ANKMY2: variants seen among roughly 807,000 people sequenced by gnomAD.
The protein encoded by ANKMY2 is ankyrin repeat and MYND domain containing 2.
In ANKMY2, 36 loss-of-function variants were observed where a neutral mutation model predicts 50.4. The ratio of observed to expected loss-of-function variants is 0.71; its 90% CI spans 0.55 to 0.94. ANKMY2 has a LOEUF of 0.94. Among genes scored for constraint, ANKMY2 ranks in the 40% least tolerant of loss-of-function variants. ANKMY2 has a pLI of 0.00. For synonymous variants in ANKMY2, 187 were observed against 178.8 expected (o/e 1.05, Z -0.36); for missense variants, 565 against 524.0 (o/e 1.08, Z -0.76).
chr7:16,635,337 T>C (rs61632552), intron 2 of ANKMY2, among the ~76,000 whole-genome samples: 25,637 of 152,100 alleles, frequency 0.17, 2,244 homozygotes, highest in Middle Eastern at 0.21. Flanking sequence ...TTAATGCTTT[T>C]TGCAGGAGTG....
intron 2 of ANKMY2, among the ~76,000 whole-genome samples, chr7:16,632,713 G>A (rs2128345769): frequency 6.6e-6 from 1 of 152,256 alleles, no homozygotes; most frequent in South Asian, 2.1e-4. Flanking sequence ...TTATAAACAT[G>A]CATTTGCATA....
chr7:16,638,289 A>C lies in ANKMY2; in HGVS notation c.68-1834T>G, dbSNP rs578060174. 1.2e-4 allele frequency among the ~76,000 whole-genome samples: 18 copies of C among 152,326 alleles called. 2 individuals are homozygous for C. In the South Asian group the frequency reaches 3.7e-3, roughly 32 times the overall value. Reference sequence around the variant, plus strand: ...GTCCCCACTTCAGATGCCAATCATAAGCCCCTGTACTTCTGACTGGCTATA... The same window carrying C: ...GTCCCCACTTCAGATGCCAATCATACGCCCCTGTACTTCTGACTGGCTATA... On this transcript the variant is annotated intron_variant, in intron 1 of 9. Coordinates refer to ENST00000306999, the MANE Select transcript of ANKMY2 (RefSeq NM_020319.3).
intron 4 of ANKMY2, among the ~76,000 whole-genome samples, chr7:16,616,157 C>T (rs1781344917): frequency 6.6e-6 from 1 of 152,104 alleles, no homozygotes; most frequent in South Asian, 2.1e-4. Flanking sequence ...ATGTGGATTA[C>T]AAAAGAAAGC....
At chr7:16,634,448 G>A (rs905005231) in intron 2 of ANKMY2, among the ~76,000 whole-genome samples, 27 of 152,154 alleles carry the variant, frequency 1.8e-4, no homozygotes, top group Non-Finnish European at 1.5e-5. Context: ...GCATTGAGGC[G>A]ATGGAGTTGA....
At chr7:16,605,023 T>C (rs1348766614) in intron 7 of ANKMY2, among the ~76,000 whole-genome samples, 174 bp from the exon 8 acceptor site, 1 of 152,182 alleles carries the variant, frequency 6.6e-6, no homozygotes, top group East Asian at 1.9e-4. Flanking sequence ...TTTTAGAATA[T>C]ACCATTTTCT....
chr7:16,603,676 C>A (rs569619360), intron 8 of ANKMY2: 1 of 471,140 alleles, frequency 2.1e-6, no homozygotes, highest in African/African-American at 2.0e-5. Flanking sequence ...GGGGAGGAGA[C>A]TTGACTTCAG....
At chr7:16,616,227 CTCT>C (rs1323870553) in intron 4 of ANKMY2, among the ~76,000 whole-genome samples, 7 of 152,154 alleles carry the variant, frequency 4.6e-5, no homozygotes, top group Admixed American at 1.3e-4. Context: ...AGTTAAATGT[CTCT>C]TCTTCCCAGC....
chr7:16,628,908 T>TAAACAAAACA (rs59359472), intron 2 of ANKMY2, among the ~76,000 whole-genome samples: 4,156 of 127,954 alleles, frequency 0.032, 84 homozygotes, highest in East Asian at 0.12. Flanking sequence ...GCCTCTAGTT[T>TAAACAAAACA]AAACAAAACA....
chr7:16,616,916 G>T (rs963447522), intron 4 of ANKMY2, among the ~76,000 whole-genome samples: 5 of 152,196 alleles, frequency 3.3e-5, no homozygotes, highest in African/African-American at 1.2e-4. Context: ...CCAGCTGGAC[G>T]CTGGCGCTTG....
chr7:16,627,105 C>G lies in ANKMY2; in HGVS notation c.206G>C (p.Gly69Ala). 1 of 1,612,546 alleles carries G rather than the reference C, an allele frequency of 6.2e-7. No individual in the cohort carries two copies. Among genetic ancestry groups the G allele is most frequent in the South Asian group, 1.1e-5 (1 of 90,912 alleles). The change falls in exon 3 of 10, where the codon GGA (glycine) becomes GCA (alanine). Residue 69 changes from glycine to alanine, a missense_variant. Gly to Ala is a moderately conservative substitution (Grantham distance 60). Transcript: ENST00000306999. ...LDMCKLLLRH[G>A]ADVNCHQHEH... Reference sequence around the variant, plus strand: ...ATGCTGATGACAATTTACATCGGCTCCATGTCGCAGTAGTAATTTGCACAT... The same window carrying G: ...ATGCTGATGACAATTTACATCGGCTGCATGTCGCAGTAGTAATTTGCACAT...
intron 4 of ANKMY2, 53 bp from the exon 5 acceptor site, chr7:16,615,957 C>A: frequency 1.3e-6 from 2 of 1,506,998 alleles, no homozygotes; most frequent in Non-Finnish European, 1.8e-6. Context: ...AATAACACAT[C>A]TGGTTTTTAA....
In ANKMY2 at chr7:16,602,485, G is replaced by C. The variant is rs1183621910; in HGVS notation, c.1036C>G (p.Gln346Glu). Residue 346 changes from glutamine to glutamate, a missense_variant, in exon 9 of 10, where the codon CAG (glutamine) becomes GAG (glutamate). Transcript: ENST00000306999. ...KMVIYCDQTC[Q>E]KTHWFTHKKI... is the part of the protein sequence containing the mutation. Reference sequence around the variant, plus strand: ...TTATGAGTAAACCAGTGTGTTTTCTGGCAGGTTTGATCACAATATATTACC... The same window carrying C: ...TTATGAGTAAACCAGTGTGTTTTCTCGCAGGTTTGATCACAATATATTACC... 6.2e-7 allele frequency: 1 copy of C among 1,613,082 alleles called. No individual in the cohort carries two copies. Among genetic ancestry groups the C allele is most frequent in the African/African-American group, 1.3e-5 (1 of 74,826 alleles).
Position 16,609,726 on chromosome 7 carries a change from ATACAC to A in ANKMY2, c.781_785del (p.Val261SerfsTer6). 2.5e-6 allele frequency: 4 copies of A among 1,611,288 alleles called. No homozygotes were observed. The South Asian group carries it at 4.4e-5, about 18-fold the overall frequency. ...TACTTTCTCTAATGATCTTTTCTTG[ATACAC>A]TGGAAAGCCATCAGAAGCTCGGCCT... is the stretch of plus-strand genomic sequence containing the variant. On this transcript the variant is annotated frameshift_variant, in exon 7 of 10. Transcript: ENST00000306999. LOFTEE classifies it high-confidence loss of function.
intron 7 of ANKMY2, among the ~76,000 whole-genome samples, chr7:16,608,544 G>A (rs1781195931): frequency 1.3e-5 from 2 of 152,120 alleles, no homozygotes; most frequent in South Asian, 4.1e-4. Flanking sequence ...CAGAGAGAAG[G>A]CACAGAGAAG....
At chr7:16,604,164 C>T (rs113943196) in intron 8 of ANKMY2, among the ~76,000 whole-genome samples, 5 of 152,124 alleles carry the variant, frequency 3.3e-5, no homozygotes, top group East Asian at 1.9e-4. Flanking sequence ...AGTGAATGTA[C>T]GGACACATGC....
intron 1 of ANKMY2, among the ~76,000 whole-genome samples, chr7:16,645,108 A>G (rs978187794): frequency 7.2e-5 from 11 of 152,094 alleles, no homozygotes; most frequent in African/African-American, 2.7e-4. Context: ...GCGGAAGTCT[A>G]AAGGGTCATT....
chr7:16,602,580 C>A, intron 8 of ANKMY2, 71 bp from the exon 9 acceptor site: 1 of 1,520,966 alleles, frequency 6.6e-7, no homozygotes, highest in South Asian at 1.3e-5. Flanking sequence ...ATGACTAAAC[C>A]AAGAACTAAG....
chr7:16,603,541 A>T (rs1220192857), intron 8 of ANKMY2: 3 of 446,578 alleles, frequency 6.7e-6, no homozygotes, highest in African/African-American at 6.1e-5. Flanking sequence ...ATGTTATTAA[A>T]CACTTACTGT....
At chr7:16,602,569 T>C (rs1781089235) in intron 8 of ANKMY2, 60 bp from the exon 9 acceptor site, 3 of 1,563,976 alleles carry the variant, frequency 1.9e-6, no homozygotes, top group Middle Eastern at 1.7e-4. Flanking sequence ...ATTTCCTAAC[T>C]ATGACTAAAC....
Sources: allele counts gnomAD v4.1 joint callset (sites outside exome capture counted in the v4.1 genomes callset), GRCh38; gene constraint gnomAD v4.1.1; transcripts MANE v1.5; gene names NCBI Gene and HGNC (gene_info 2026-07-23, HGNC 2026-07-21).